The following SAMD8 variants were observed in gnomAD, a reference collection of about 807,000 sequenced individuals.
SAMD8 encodes the protein sphingomyelin synthase-related protein 1.
A neutral mutation model predicts 42.0 loss-of-function variants in SAMD8; 20 were observed. That is an observed-to-expected ratio of 0.48 (90% CI 0.34 to 0.69). The LOEUF (loss-of-function observed/expected upper bound fraction) is 0.69, where lower values mean the gene tolerates loss of function less well. SAMD8 is among the 30% of genes least tolerant of loss of function. SAMD8 has a pLI of 0.01. For missense variants in SAMD8, 328 were observed against 511.6 expected, an observed-to-expected ratio of 0.64 and a Z score of 3.46; for synonymous variants, 162 against 173.0, an observed-to-expected ratio of 0.94 and a Z score of 0.50.
At position 75,150,982 on chromosome 10, in the gene SAMD8, A is replaced by C. The variant is rs1840276344; in HGVS notation, c.454A>C (p.Thr152Pro). 1.9e-6 allele frequency: 3 copies of C among 1,613,406 alleles called. No individual in the cohort carries two copies. Among genetic ancestry groups the C allele is most frequent in the Non-Finnish European group, 2.5e-6 (3 of 1,179,672 alleles). Residue 152 changes from threonine (T) to proline (P), a missense_variant, in exon 2 of 6, where the codon ACT becomes CCT. Thr to Pro is a conservative substitution (Grantham distance 38, BLOSUM62 -1). This residue lies in a region of SAMD8 where 150 missense variants were observed against 186.0 expected (regional missense o/e 0.81). Transcript: ENST00000542569. ...AAGATTGGACCCAGAATACTGGAAG[A>C]CTATACTGAGTTGTATATATGTTTT... ...VRRLDPEYWK[T>P]ILSCIYVFIV... is the part of the protein sequence containing the mutation.
intron 1 of SAMD8, among the ~76,000 whole-genome samples, chr10:75,105,095 G>A (rs371131987): frequency 7.2e-5 from 11 of 152,298 alleles, no homozygotes; most frequent in African/African-American, 2.6e-4. Context: ...GTGGAGGCAG[G>A]CCCTGCTGGG....
Position 75,176,547 on chromosome 10 carries a change from A to C in SAMD8, c.1103A>C (p.Asn368Thr). ...RLFLYYHTLA[N>T]TRAYQQSRRA... Reference sequence around the variant, plus strand: ...TTTTTGTACTACCATACTCTGGCCAATACCAGAGCATATCAGCAGAGTAGG... The same window carrying C: ...TTTTTGTACTACCATACTCTGGCCACTACCAGAGCATATCAGCAGAGTAGG... Residue 368 changes from asparagine to threonine, a missense_variant, in exon 6 of 6, where the codon AAT (asparagine) becomes ACT (threonine). This residue lies in a region of SAMD8 where 178 missense variants were observed against 325.6 expected (regional missense o/e 0.55). Transcript: ENST00000542569. This position sits in a 1 kb window ranked among gnomAD's most constrained non-coding sequence, Gnocchi z 4.3. The C allele has an allele frequency of 6.4e-7, 1 of 1,550,596 alleles. No individual in the cohort carries two copies. Among genetic ancestry groups the C allele is most frequent in the Non-Finnish European group, 8.7e-7 (1 of 1,146,952 alleles).
intron 1 of SAMD8, among the ~76,000 whole-genome samples, chr10:75,112,309 AG>A (rs1435236921): frequency 6.6e-6 from 1 of 152,228 alleles, no homozygotes; most frequent in Non-Finnish European, 1.5e-5. Flanking sequence ...TCTGGCCTCA[AG>A]GGGTGAGGGA....
chr10:75,107,243 G>T (rs1405806099), upstream of SAMD8, among the ~76,000 whole-genome samples: 2 of 151,744 alleles, frequency 1.3e-5, no homozygotes, highest in African/African-American at 4.8e-5. Context: ...GCTGAGACAC[G>T]AAAATTGCTT....
At chr10:75,105,895 C>T in intron 1 of SAMD8, 1 of 1,540,786 alleles carries the variant, frequency 6.5e-7, no homozygotes, top group Non-Finnish European at 8.8e-7. Context: ...GGTGAAAAAC[C>T]CTGTCCCACA....
At chr10:75,149,315 A>C (rs771109175) in intron 1 of SAMD8, among the ~76,000 whole-genome samples, 1 of 152,224 alleles carries the variant, frequency 6.6e-6, no homozygotes, top group Non-Finnish European at 1.5e-5. Flanking sequence ...CAAAGTAGTA[A>C]AAATTATTGG....
intron 1 of SAMD8, among the ~76,000 whole-genome samples, chr10:75,114,012 T>C (rs545564729): frequency 6.6e-6 from 1 of 152,300 alleles, no homozygotes; most frequent in Admixed American, 6.5e-5. Context: ...TTGTTTCCCT[T>C]TGTCAGTTCT....
chr10:75,129,464 T>C (rs1849224696), intron 1 of SAMD8, among the ~76,000 whole-genome samples: 1 of 152,144 alleles, frequency 6.6e-6, no homozygotes, highest in Non-Finnish European at 1.5e-5. Flanking sequence ...GGCTCTCATC[T>C]CCTGACCTCG....
chr10:75,113,261 T>C (rs1338660748), intron 1 of SAMD8, among the ~76,000 whole-genome samples: 2 of 152,240 alleles, frequency 1.3e-5, no homozygotes, highest in African/African-American at 4.8e-5. Context: ...TGTTAAGTCA[T>C]AACATGGTTC....
intron 2 of SAMD8, among the ~76,000 whole-genome samples, chr10:75,158,461 A>T (rs1299647529): frequency 6.6e-6 from 1 of 151,546 alleles, no homozygotes; most frequent in Non-Finnish European, 1.5e-5. Context: ...GCGTGGTGGC[A>T]TGCTCCTTTA....
chr10:75,118,671 A>G (rs149652896), intron 1 of SAMD8, among the ~76,000 whole-genome samples: 7 of 152,324 alleles, frequency 4.6e-5, no homozygotes, highest in Non-Finnish European at 7.4e-5. Flanking sequence ...ATATCTTTCT[A>G]TAAGTATAAA....
At chr10:75,154,140 C>T (rs1422037367) in intron 2 of SAMD8, among the ~76,000 whole-genome samples, 1 of 152,106 alleles carries the variant, frequency 6.6e-6, no homozygotes, top group African/African-American at 2.4e-5. Flanking sequence ...TAGGAGAAAA[C>T]AGCCATACAT....
chr10:75,179,539 A>G lies in SAMD8; in HGVS notation c.*2847A>G, dbSNP rs1352941828. 2.0e-5 allele frequency: 3 copies of G among 152,222 alleles called. No individual in the cohort carries two copies. The highest frequency in any genetic ancestry group is 4.4e-5 in the Non-Finnish European group (3 of 68,032). 9.4% of individuals were successfully genotyped at this position (152,222 alleles called of 1,614,324 possible). A position where few individuals can be genotyped will look rare whatever the true frequency, so the allele number is the denominator to read the frequency against. The stretch of plus-strand genomic sequence containing the variant: ...TAACTTTTCAGCCTTGCACTTGCTC[A>G]TATATGTTTTGAGAAAAATGTAAGT... On this transcript the variant is annotated 3_prime_UTR_variant, in exon 6 of 6. Transcript: ENST00000542569.
intron 2 of SAMD8, among the ~76,000 whole-genome samples, chr10:75,153,290 G>GT (rs1840335203): frequency 6.6e-6 from 1 of 151,840 alleles, no homozygotes; most frequent in Admixed American, 6.6e-5. Flanking sequence ...CCCCTTGTTT[G>GT]TTTTTTATAA....
chr10:75,127,353 C>T (rs961580824), intron 1 of SAMD8, among the ~76,000 whole-genome samples: 70 of 152,142 alleles, frequency 4.6e-4, no homozygotes, highest in Admixed American at 4.5e-3. Flanking sequence ...AGAATATGAA[C>T]TTTAAAATGA....
chr10:75,108,696 A>T (rs1023846608), upstream of SAMD8, among the ~76,000 whole-genome samples: 5 of 152,110 alleles, frequency 3.3e-5, no homozygotes, highest in African/African-American at 1.2e-4. Context: ...CTCTCTGTCT[A>T]CCTTATCTCA....
chr10:75,120,774 C>CTTTTT lies in SAMD8; in HGVS notation c.-16+9072_-16+9076dup, dbSNP rs111866437. Among the ~76,000 whole-genome samples, 539 of 80,154 alleles carry CTTTTT rather than the reference C, an allele frequency of 6.7e-3. 8 individuals are homozygous for CTTTTT. The highest frequency in any genetic ancestry group is 0.029 in the East Asian group (61 of 2,124). 52.6% of individuals were successfully genotyped at this position (80,154 alleles called of 152,430 possible). A position where few individuals can be genotyped will look rare whatever the true frequency, so the allele number is the denominator to read the frequency against. ...TGTTATGTTGAAAAGTAATTTCCATCTTTTTTTTTTTTTTTTTTTTTTTTG... is the reference window on the plus strand; with the variant it reads ...TGTTATGTTGAAAAGTAATTTCCATCTTTTTTTTTTTTTTTTTTTTTTTTTTTTTG... On this transcript the variant is annotated intron_variant, in intron 1 of 5. Coordinates refer to ENST00000542569, the MANE Select transcript of SAMD8 (RefSeq NM_001174156.2).
At chr10:75,127,438 T>G (rs903781162) in intron 1 of SAMD8, among the ~76,000 whole-genome samples, 1 of 152,184 alleles carries the variant, frequency 6.6e-6, no homozygotes. Flanking sequence ...CCCATTTATA[T>G]CAGTTGTCAC....
intron 1 of SAMD8, among the ~76,000 whole-genome samples, chr10:75,129,199 T>C (rs964610948): frequency 6.6e-6 from 1 of 151,850 alleles, no homozygotes; most frequent in Admixed American, 6.6e-5. Flanking sequence ...TAGCTCACTA[T>C]AGCCTGGAAG....
Sources: gnomAD v4.1 joint callset for allele counts (sites outside exome capture counted in the v4.1 genomes callset) on GRCh38, gnomAD v4.1.1 for gene constraint, gnomAD v4.1.1 regional missense constraint, Gnocchi (gnomAD v3.1) non-coding constraint, MANE v1.5 for transcripts, NCBI Gene and HGNC (gene_info 2026-07-23, HGNC 2026-07-21) for gene names.